GMPPB: variants seen among roughly 807,000 people sequenced by gnomAD.
GMPPB encodes mannose-1-phosphate guanylyltransferase catalytic subunit beta.
In GMPPB, 38 loss-of-function variants were observed where a neutral mutation model predicts 40.3. The ratio of observed to expected loss-of-function variants is 0.94; its 90% confidence interval spans 0.73 to 1.24. The LOEUF (loss-of-function observed/expected upper bound fraction) is 1.24. Ranked by LOEUF, GMPPB falls within the 50% of genes most tolerant of loss-of-function variation. The pLI, the probability that GMPPB is intolerant of heterozygous loss-of-function variation, is 0.00. For missense variants in GMPPB, 436 were observed against 487.1 expected (o/e 0.90, Z 0.99); for synonymous variants, 193 against 191.8 (o/e 1.01, Z -0.05).
intron 4 of GMPPB, 26 bp downstream of exon 4, chr3:49,722,946 A>G (rs370500539): frequency 2.5e-6 from 4 of 1,610,264 alleles, no homozygotes; most frequent in South Asian, 1.1e-5. Flanking sequence ...TGAAAGTGTC[A>G]AGAGAGAGAA....
Position 49,720,986 on chromosome 3 carries a change from A to G in GMPPB, c.*766T>C. ...CGGACATCCACATAGCCAGGCATCC[A>G]ACTCCAGCCCACCCTTCACTCTCCT... is the stretch of plus-strand genomic sequence containing the variant. On this transcript the variant is annotated 3_prime_UTR_variant, in exon 9 of 9. Coordinates refer to ENST00000308388, the MANE Select transcript of GMPPB (RefSeq NM_021971.4). 1 of 1,608,958 alleles carries G rather than the reference A, an allele frequency of 6.2e-7. No homozygotes were observed. Among genetic ancestry groups the G allele is most frequent in the Non-Finnish European group, 8.5e-7 (1 of 1,175,956 alleles).
chr3:49,721,926 C>T, intron 8 of GMPPB, 39 bp downstream of exon 8: 1 of 1,613,716 alleles, frequency 6.2e-7, no homozygotes, highest in Non-Finnish European at 8.5e-7. Context: ...AGGCACACTC[C>T]CCGCCCCTCT....
rs367730914 is a variant in GMPPB at position 49,721,060 on chromosome 3, A to G, written c.*692T>C. On this transcript the variant is annotated 3_prime_UTR_variant, in exon 9 of 9. Coordinates refer to ENST00000308388, the MANE Select transcript of GMPPB (RefSeq NM_021971.4). ...GACCTCTGCCCCATCTGCTATGCCC[A>G]CCCCATCTCTGCTGTGTTCCAGCCC... The G allele has an allele frequency of 6.2e-7, 1 of 1,613,480 alleles. No homozygotes were observed. The highest frequency in any genetic ancestry group is 1.3e-5 in the African/African-American group (1 of 74,820).
Position 49,721,043 on chromosome 3 carries a change from C to T in GMPPB, c.*709G>A. On this transcript the variant is annotated 3_prime_UTR_variant, in exon 9 of 9. Coordinates refer to ENST00000308388, the MANE Select transcript of GMPPB (RefSeq NM_021971.4). ...AGCCCACCAGTGAGGAGGACCTCTG[C>T]CCCATCTGCTATGCCCACCCCATCT... The T allele has an allele frequency of 6.2e-7, 1 of 1,613,308 alleles. No individual in the cohort carries two copies. Among genetic ancestry groups the T allele is most frequent in the Non-Finnish European group, 8.5e-7 (1 of 1,179,544 alleles).
rs1186936513 is a variant in GMPPB at position 49,721,998 on chromosome 3, G to C, written c.918C>G (p.Cys306Trp). Residue 306 changes from cysteine (C) to tryptophan (W), a missense_variant, in exon 8 of 9, where the codon TGC becomes TGG. Coordinates refer to ENST00000308388, the MANE Select transcript of GMPPB (RefSeq NM_021971.4). ...CCACGCGGCAGCGCCAGCCCACAAT[G>C]CAGGACTCAAGCCAGGAATGGGAAC... ...RIRSHSWLESCIVGWRCRVGQ... is the reference protein window; with the variant it reads ...RIRSHSWLESWIVGWRCRVGQ... 1 of 1,590,674 alleles carries C rather than the reference G, an allele frequency of 6.3e-7. No homozygotes were observed. Among genetic ancestry groups the C allele is most frequent in the Non-Finnish European group, 8.6e-7 (1 of 1,166,780 alleles).
At position 49,723,288 on chromosome 3, in the gene GMPPB, G is replaced by A. The variant is rs945019622; in HGVS notation, c.225C>T (p.Ile75=). 1.2e-6 allele frequency: 2 copies of A among 1,614,220 alleles called. No homozygotes were observed. Among genetic ancestry groups the A allele is most frequent in the African/African-American group, 1.3e-5 (1 of 75,074 alleles). ...AAGGCTCCTCTTCATGGGACATGGA[G>A]ATTCGGATTCCCAGCTGGAAGGAAG... is the stretch of plus-strand genomic sequence containing the variant. ...KAQEQRLGIR[I]SMSHEEEPLG... Residue 75 remains isoleucine (I), a synonymous_variant, in exon 3 of 9, where the codon ATC becomes ATT. Transcript: ENST00000308388.
At position 49,720,910 on chromosome 3, in the gene GMPPB, G is replaced by A; in HGVS notation, c.*842C>T. ...TGCCTCCCTGGTGAGTGGGAACACG[G>A]TGCACAGGTCCATGCCACTTGAATA... On this transcript the variant is annotated 3_prime_UTR_variant, in exon 9 of 9. Coordinates refer to ENST00000308388, the MANE Select transcript of GMPPB (RefSeq NM_021971.4). 6.2e-7 allele frequency: 1 copy of A among 1,613,720 alleles called. No homozygotes were observed.
At position 49,720,637 on chromosome 3, in the gene GMPPB, C is replaced by T. The variant is rs765623041; in HGVS notation, c.*1115G>A. 13 of 1,601,066 alleles carry T rather than the reference C, an allele frequency of 8.1e-6. 1 individual carries two copies. In the South Asian group the frequency reaches 1.3e-4, roughly 16 times the overall value. On this transcript the variant is annotated 3_prime_UTR_variant, in exon 9 of 9. Transcript: ENST00000308388. ...CTCTGCCAGCCCCTGACCGGAAGCG[C>T]TTCTCCCTGCAGAGCTGTGAGTGGG...
Position 49,720,671 on chromosome 3 carries a change from G to A in GMPPB, c.*1081C>T, listed in dbSNP as rs201961378. The A allele has an allele frequency of 4.4e-4, 708 of 1,595,204 alleles. 5 individuals carry two copies. Among genetic ancestry groups the A allele is most frequent in the Non-Finnish European group, 3.3e-5 (39 of 1,166,260 alleles). On this transcript the variant is annotated 3_prime_UTR_variant, in exon 9 of 9. Transcript: ENST00000308388. ...GCAGAGCTGTGAGTGGGCTGGTGGG[G>A]CAGGTCAGGGAAATCTGGGGCTGGG...
rs762790429 is a variant in GMPPB, at chr3:49,723,119, G to A, written c.260-5C>T. ...GGGCCAGCGCCAGGGGCCCAGCTGG[G>A]GGAAGGGGACAGGTCACCACCTTGC... On this transcript the variant is annotated splice_polypyrimidine_tract_variant and splice_region_variant and intron_variant, in intron 3 of 8. Transcript: ENST00000308388. 6 of 1,613,906 alleles carry A rather than the reference G, an allele frequency of 3.7e-6. No individual in the cohort carries two copies. In the East Asian group the frequency reaches 8.9e-5, roughly 24 times the overall value.
chr3:49,722,277 G>A lies in GMPPB; in HGVS notation c.722C>T (p.Pro241Leu). 1 of 1,614,008 alleles carries A rather than the reference G, an allele frequency of 6.2e-7. No homozygotes were observed. The highest frequency in any genetic ancestry group is 8.5e-7 in the Non-Finnish European group (1 of 1,180,012). The stretch of plus-strand genomic sequence containing the variant: ...GCCAGGGCCTGAGCACAGCCGCTCA[G>A]GCTGCTTCTGCCTCAGTGACTGCAG... ...LFLQSLRQKQ[P>L]ERLCSGPGIV... The change falls in exon 7 of 9, where the codon CCT becomes CTT. Residue 241 changes from proline (P) to leucine (L), a missense_variant. Coordinates refer to ENST00000308388, the MANE Select transcript of GMPPB (RefSeq NM_021971.4).
Position 49,721,421 on chromosome 3 carries a change from C to T in GMPPB, c.*331G>A. On this transcript the variant is annotated 3_prime_UTR_variant, in exon 9 of 9. Transcript: ENST00000308388. The stretch of plus-strand genomic sequence containing the variant: ...TATCCCACACCACCACATCCAACCT[C>T]CTTGCCTGCCTGTATCCTCATTGGT... 7.3e-7 allele frequency: 1 copy of T among 1,360,562 alleles called. No individual in the cohort carries two copies. 84.3% of individuals were successfully genotyped at this position (1,360,562 alleles called of 1,614,324 possible). A position where few individuals can be genotyped will look rare whatever the true frequency, so the allele number is the denominator to read the frequency against.
At position 49,719,964 on chromosome 3, in the gene GMPPB, A is replaced by G; in HGVS notation, c.*1788T>C. 6.1e-6 allele frequency: 1 copy of G among 164,742 alleles called. No individual in the cohort carries two copies. Among genetic ancestry groups the G allele is most frequent in the Non-Finnish European group, 1.3e-5 (1 of 74,790 alleles). 10.2% of individuals were successfully genotyped at this position (164,742 alleles called of 1,614,324 possible). A position where few individuals can be genotyped will look rare whatever the true frequency, so the allele number is the denominator to read the frequency against. On this transcript the variant is annotated 3_prime_UTR_variant, in exon 9 of 9. Coordinates refer to ENST00000308388, the MANE Select transcript of GMPPB (RefSeq NM_021971.4). ...TTGAAGTGACTTTGAAGGACTGATA[A>G]TATTATGGGGCAGGCAGACTCTCAC...
chr3:49,722,603 C>T lies in GMPPB; in HGVS notation c.554G>A (p.Arg185His), dbSNP rs755165049. ...MYILSPAVLQ[R>H]IQLQPTSIEK... is the part of the protein sequence containing the mutation. ...CAGCTGTCTCCTACACACCTGGATG[C>T]GCTGCAGCACTGCAGGGCTCAGGAT... The change falls in exon 5 of 9, where the codon CGC becomes CAC. Residue 185 changes from arginine (R) to histidine (H), a missense_variant. Arg to His is a conservative substitution (Grantham distance 29, BLOSUM62 0). Coordinates refer to ENST00000308388, the MANE Select transcript of GMPPB (RefSeq NM_021971.4). 50 of 1,613,598 alleles carry T rather than the reference C, an allele frequency of 3.1e-5. No individual in the cohort carries two copies. Among genetic ancestry groups the T allele is most frequent in the South Asian group, 7.7e-5 (7 of 91,056 alleles).
Position 49,721,442 on chromosome 3 carries a change from T to C in GMPPB, c.*310A>G. The C allele has an allele frequency of 3.3e-6, 4 of 1,201,382 alleles. No homozygotes were observed. Among genetic ancestry groups the C allele is most frequent in the South Asian group, 1.2e-5 (1 of 82,174 alleles). 74.4% of individuals were successfully genotyped at this position (1,201,382 alleles called of 1,614,324 possible). ...ACCTCCTTGCCTGCCTGTATCCTCATTGGTGGGAGCCCAGCCATGGCCCTA... is the reference window on the plus strand; with the variant it reads ...ACCTCCTTGCCTGCCTGTATCCTCACTGGTGGGAGCCCAGCCATGGCCCTA... On this transcript the variant is annotated 3_prime_UTR_variant, in exon 9 of 9. Transcript: ENST00000308388.
rs2080428146 is a variant in GMPPB, at chr3:49,722,321, G to A, written c.678C>T (p.Leu226=). The part of the protein sequence containing the change: ...WMDIGQPKDF[L]TGMCLFLQSL... ...ACTGCAGGAAGAGGCACATGCCAGT[G>A]AGGAAGTCCTTGGGCTGCCCAATGT... Residue 226 remains leucine, a synonymous_variant, in exon 7 of 9, where the codon CTC becomes CTT. Coordinates refer to ENST00000308388, the MANE Select transcript of GMPPB (RefSeq NM_021971.4). The A allele has an allele frequency of 1.2e-6, 2 of 1,613,894 alleles. No homozygotes were observed. The highest frequency in any genetic ancestry group is 1.1e-5 in the South Asian group (1 of 91,082).
chr3:49,723,221 C>T, intron 3 of GMPPB, 33 bp downstream of exon 3: 1 of 1,613,508 alleles, frequency 6.2e-7, no homozygotes, highest in African/African-American at 1.3e-5. Flanking sequence ...GGCCTTAAAC[C>T]CTCCCCCAAG....
chr3:49,722,042 G>A lies in GMPPB; in HGVS notation c.874C>T (p.Leu292=). ...DGVCIRRCTV[L]RDARIRSHSW... is the part of the protein sequence containing the mutation. ...TGGGAACGGATCCGGGCATCCCGCA[G>A]CACCGTGCACCGCCGGATACACACA... The change falls in exon 8 of 9, where the codon CTG becomes TTG. Residue 292 remains leucine (L), a synonymous_variant. Coordinates refer to ENST00000308388, the MANE Select transcript of GMPPB (RefSeq NM_021971.4). 6.2e-7 allele frequency: 1 copy of A among 1,613,428 alleles called. No individual in the cohort carries two copies. The highest frequency in any genetic ancestry group is 1.1e-5 in the South Asian group (1 of 91,058).
In GMPPB at chr3:49,720,586, G is replaced by A. The variant is rs779079156; in HGVS notation, c.*1166C>T. 22 of 1,611,854 alleles carry A rather than the reference G, an allele frequency of 1.4e-5. No homozygotes were observed. Among genetic ancestry groups the A allele is most frequent in the Non-Finnish European group, 1.9e-5 (22 of 1,178,758 alleles). ...GCTCAATATGCTATCTCCTGGGACA[G>A]CCAGAGCCCCCAGCACCTGGCACTG... On this transcript the variant is annotated 3_prime_UTR_variant, in exon 9 of 9. Coordinates refer to ENST00000308388, the MANE Select transcript of GMPPB (RefSeq NM_021971.4).
Sources: gnomAD v4.1 joint callset for allele counts on GRCh38, gnomAD v4.1.1 for gene constraint, MANE v1.5 for transcripts, NCBI Gene and HGNC (gene_info 2026-07-23, HGNC 2026-07-21) for gene names.